Variants in COA7 observed in about 807,000 individuals in gnomAD.
COA7 encodes the protein Sel1 repeat containing 1.
COA7 carries 12 observed loss-of-function variants against 21.0 expected under a neutral mutation model. The observed-to-expected ratio is 0.57, with a 90% CI of 0.37 to 0.92. The LOEUF (loss-of-function observed/expected upper bound fraction) is 0.92, where lower values mean the gene tolerates loss of function less well. Ranked by LOEUF, COA7 falls within the 40% of genes least tolerant of loss-of-function variation. The pLI is 0.01. For missense variants in COA7, 240 were observed against 286.1 expected, an observed-to-expected ratio of 0.84 and a Z score of 1.16; for synonymous variants, 95 against 107.4, an observed-to-expected ratio of 0.88 and a Z score of 0.72.
intron 1 of COA7, among the ~76,000 whole-genome samples, chr1:52,695,973 G>A (rs1345503856): frequency 2.0e-5 from 3 of 152,132 alleles, no homozygotes; most frequent in Non-Finnish European, 4.4e-5. Flanking sequence ...CCAGACTCCC[G>A]CTTCAAACGT....
At chr1:52,692,596 A>G in intron 2 of COA7, 131 bp downstream of exon 2, 1 of 1,035,030 alleles carries the variant, frequency 9.7e-7, no homozygotes, top group Non-Finnish European at 1.4e-6. Context: ...CTGAACTCCT[A>G]CCTCTCCATC....
chr1:52,693,543 T>G (rs1408439009), intron 1 of COA7, among the ~76,000 whole-genome samples: 1 of 146,504 alleles, frequency 6.8e-6, no homozygotes, highest in African/African-American at 2.5e-5. Flanking sequence ...GGGGCGGAGG[T>G]TGCGGCGGGC....
chr1:52,692,595 T>C lies in COA7; in HGVS notation c.247+132A>G. Reference sequence around the variant, plus strand: ...TCCCCCCATCACTCTGCTGAACTCCTACCTCTCCATCTTCCTACAATGCAC... The same window carrying C: ...TCCCCCCATCACTCTGCTGAACTCCCACCTCTCCATCTTCCTACAATGCAC... On this transcript the variant is annotated intron_variant, in intron 2 of 2. Coordinates refer to ENST00000371538, the MANE Select transcript of COA7 (RefSeq NM_023077.3). 3.9e-6 allele frequency: 4 copies of C among 1,032,102 alleles called. No homozygotes were observed. In the East Asian group the frequency reaches 7.3e-5, roughly 19 times the overall value. The allele number at this position is 1,032,102 out of a possible 1,614,324, so 63.9% of individuals were successfully genotyped here.
At position 52,694,421 on chromosome 1, in the gene COA7, T is replaced by C. The variant is rs567459880; in HGVS notation, c.107-1554A>G. Among the ~76,000 whole-genome samples, 8 of 145,150 alleles carry C rather than the reference T, an allele frequency of 5.5e-5. No individual in the cohort carries two copies. The South Asian group carries it at 8.6e-4, about 16-fold the overall frequency. ...ACTGCGGTGAGCCGAGATAGCGCCA[T>C]TGCGCTCCAGCCTGGGCAACAAGAG... is the stretch of plus-strand genomic sequence containing the variant. On this transcript the variant is annotated intron_variant, in intron 1 of 2. Coordinates refer to ENST00000371538, the MANE Select transcript of COA7 (RefSeq NM_023077.3).
chr1:52,687,826 C>T lies in COA7; in HGVS notation c.590G>A (p.Gly197Glu), dbSNP rs1000593398. ...CANASRMYKL[G>E]DGVDKDEAKA... ...GGCCTCATCCTTATCAACACCATCC[C>T]CCAGCTTGTACATGCGACTGGCATT... The change falls in exon 3 of 3, where the codon GGG (glycine) becomes GAG (glutamate). Residue 197 changes from glycine (G) to glutamate (E), a missense_variant. Transcript: ENST00000371538. The T allele has an allele frequency of 3.7e-6, 6 of 1,614,138 alleles. No homozygotes were observed. Among genetic ancestry groups the T allele is most frequent in the East Asian group, 2.2e-5 (1 of 44,898 alleles).
intron 2 of COA7, among the ~76,000 whole-genome samples, chr1:52,689,270 C>G (rs1177929898): frequency 6.6e-6 from 1 of 151,800 alleles, no homozygotes; most frequent in Non-Finnish European, 1.5e-5. Flanking sequence ...ATTCTCCTGC[C>G]TCAGCCTCCC....
At chr1:52,698,133 C>T (rs1166097597) in intron 1 of COA7, 88 bp downstream of exon 1, 5 of 952,722 alleles carry the variant, frequency 5.2e-6, no homozygotes, top group Non-Finnish European at 8.2e-6. Flanking sequence ...CACGTGATTC[C>T]TTCTCCAGCC....
In COA7 at chr1:52,688,083, ACATGCTGCTATTGACTTCTTTC is replaced by A. The variant is rs1447632915; in HGVS notation, c.311_332del (p.Gly104ValfsTer66). On this transcript the variant is annotated frameshift_variant, in exon 3 of 3. Transcript: ENST00000371538. LOFTEE classifies it high-confidence loss of function. ...CATGTGCCAGGAGGCCAACGTTGTG[ACATGCTGCTATTGACTTCTTTC>A]CAGGCTTCTCACACGCCATCAAAAA... is the stretch of plus-strand genomic sequence containing the variant. 2 of 1,614,152 alleles carry A rather than the reference ACATGCTGCTATTGACTTCTTTC, an allele frequency of 1.2e-6. No individual in the cohort carries two copies. The highest frequency in any genetic ancestry group is 3.3e-5 in the Admixed American group (2 of 60,010).
At position 52,698,248 on chromosome 1, in the gene COA7, G is replaced by A. The variant is rs1644099377; in HGVS notation, c.79C>T (p.His27Tyr). 1 of 1,612,248 alleles carries A rather than the reference G, an allele frequency of 6.2e-7. No homozygotes were observed. Among genetic ancestry groups the A allele is most frequent in the African/African-American group, 1.3e-5 (1 of 74,902 alleles). ...TCCGGGTCCTTCTCGTGGTAGCAGTGGTAGTTGCACTCCACCTCCATGTTC... is the reference window on the plus strand; with the variant it reads ...TCCGGGTCCTTCTCGTGGTAGCAGTAGTAGTTGCACTCCACCTCCATGTTC... ...LENMEVECNY[H>Y]CYHEKDPDGC... Residue 27 changes from histidine (H) to tyrosine (Y), a missense_variant, in exon 1 of 3, where the codon CAC becomes TAC. By Grantham distance (83) the His-to-Tyr change is moderately conservative (BLOSUM62 2). Around this residue, in one of 3 missense-constraint regions of COA7, gnomAD observed 71 missense variants for 54.7 expected, o/e 1.30. Coordinates refer to ENST00000371538, the MANE Select transcript of COA7 (RefSeq NM_023077.3).
intron 1 of COA7, among the ~76,000 whole-genome samples, chr1:52,693,797 CTT>C (rs1364316967): frequency 2.0e-5 from 3 of 152,104 alleles, no homozygotes; most frequent in African/African-American, 7.2e-5. Context: ...TCTCTCCCCT[CTT>C]CTTTACCCCC....
rs1401342829 is a variant in COA7 at position 52,698,165 on chromosome 1, C to T, written c.106+56G>A. On this transcript the variant is annotated intron_variant, in intron 1 of 2. Coordinates refer to ENST00000371538, the MANE Select transcript of COA7 (RefSeq NM_023077.3). ...AGCCTCTCAGAGGTCGCAGACCAGA[C>T]CTCTCCGGGCACGTCCCTCCCCGAC... 10 of 1,281,500 alleles carry T rather than the reference C, an allele frequency of 7.8e-6. No individual in the cohort carries two copies. The East Asian group carries it at 1.6e-4, about 21-fold the overall frequency. 79.4% of individuals were successfully genotyped at this position (1,281,500 alleles called of 1,614,324 possible).
intron 1 of COA7, among the ~76,000 whole-genome samples, chr1:52,696,130 G>A (rs1172234122): frequency 6.6e-6 from 1 of 152,044 alleles, no homozygotes; most frequent in Non-Finnish European, 1.5e-5. Flanking sequence ...ATTCCTCTAA[G>A]TTCTTTCTAT....
At chr1:52,693,873 A>G (rs918821271) in intron 1 of COA7, among the ~76,000 whole-genome samples, 5 of 152,314 alleles carry the variant, frequency 3.3e-5, no homozygotes, top group African/African-American at 1.2e-4. Context: ...CTATGCATCT[A>G]TGTACCAGAC....
intron 2 of COA7, among the ~76,000 whole-genome samples, chr1:52,690,039 A>G (rs11582976): frequency 0.022 from 1,524 of 68,490 alleles, 10 homozygotes; most frequent in African/African-American, 0.089. Flanking sequence ...AAAAAAAAAA[A>G]GAAAAAAAAA....
At position 52,688,111 on chromosome 1, in the gene COA7, T is replaced by G. The variant is rs1442421623; in HGVS notation, c.305A>C (p.Lys102Thr). The change falls in exon 3 of 3, where the codon AAG becomes ACG. Residue 102 changes from lysine (K) to threonine (T), a missense_variant. This residue lies in a region of COA7 where 163 missense variants were observed against 214.1 expected (regional missense o/e 0.76). Coordinates refer to ENST00000371538, the MANE Select transcript of COA7 (RefSeq NM_023077.3). ...AARCFLMACEKPGKKSIAACH... is the reference protein window; with the variant it reads ...AARCFLMACETPGKKSIAACH... Reference sequence around the variant, plus strand: ...TGCTGCTATTGACTTCTTTCCAGGCTTCTCACACGCCATCAAAAAGCACCT... The same window carrying G: ...TGCTGCTATTGACTTCTTTCCAGGCGTCTCACACGCCATCAAAAAGCACCT... 1.9e-6 allele frequency: 3 copies of G among 1,613,914 alleles called. No individual in the cohort carries two copies. The Admixed American group carries it at 5.0e-5, about 27-fold the overall frequency.
chr1:52,689,104 G>A (rs113582525), intron 2 of COA7, among the ~76,000 whole-genome samples: 2,875 of 151,960 alleles, frequency 0.019, 90 homozygotes, highest in African/African-American at 0.066. Flanking sequence ...CTTTGAAAGC[G>A]GCTTAACACA....
At chr1:52,688,298 C>T in intron 2 of COA7, 130 bp from the exon 3 acceptor site, 1 of 709,400 alleles carries the variant, frequency 1.4e-6, no homozygotes, top group East Asian at 2.7e-5. Context: ...GGCTGGAGTG[C>T]ACTGGCATGA....
intron 1 of COA7, among the ~76,000 whole-genome samples, chr1:52,697,332 C>G (rs1571720814): frequency 6.6e-6 from 1 of 152,182 alleles, no homozygotes; most frequent in East Asian, 1.9e-4. Flanking sequence ...CACCACCATC[C>G]ACCTATACTC....
intron 2 of COA7, among the ~76,000 whole-genome samples, chr1:52,689,782 T>C (rs1406369134): frequency 1.3e-5 from 2 of 151,056 alleles, no homozygotes; most frequent in African/African-American, 4.9e-5. Flanking sequence ...TCCCAGCACT[T>C]TGGGAGGCTG....
Sources: gnomAD v4.1 joint callset for allele counts (sites outside exome capture counted in the v4.1 genomes callset) on GRCh38, gnomAD v4.1.1 for gene constraint, gnomAD v4.1.1 regional missense constraint, MANE v1.5 for transcripts, NCBI Gene and HGNC (gene_info 2026-07-23, HGNC 2026-07-21) for gene names.